BRD9: variants seen among roughly 807,000 people sequenced by gnomAD.
BRD9 encodes bromodomain containing 9.
A neutral mutation model predicts 68.7 loss-of-function variants in BRD9; 47 were observed. The ratio of observed to expected loss-of-function variants is 0.68; its 90% CI spans 0.54 to 0.87. BRD9 has a LOEUF of 0.87. Among genes scored for constraint, BRD9 ranks in the 40% least tolerant of loss-of-function variants. BRD9 has a pLI of 0.00. For synonymous variants in BRD9, 313 were observed against 293.9 expected (o/e 1.06, Z -0.67); for missense variants, 670 against 748.4 (o/e 0.90, Z 1.22).
chr5:869,327 C>T (rs1488972147), intron 14 of BRD9: 5 of 456,128 alleles, frequency 1.1e-5, no homozygotes, highest in African/African-American at 4.0e-5. Flanking sequence ...ACAAAGCAGA[C>T]TCCGTGGTAA....
At chr5:865,207 C>T (rs1166613918) in intron 15 of BRD9, among the ~76,000 whole-genome samples, 2 of 152,244 alleles carry the variant, frequency 1.3e-5, no homozygotes, top group African/African-American at 4.8e-5. Flanking sequence ...ACCCAGCGTG[C>T]GGCCAGGCCA....
In BRD9 at chr5:867,564, C is replaced by T. The variant is rs963987396; in HGVS notation, c.1526-1983G>A. ...CCACAAGGGCGGGGCTGCCCAAGGC[C>T]GTGGGAGCCCATCCCTTGCATCAGT... On this transcript the variant is annotated intron_variant, in intron 14 of 15. Transcript: ENST00000467963. Among the ~76,000 whole-genome samples the T allele has an allele frequency of 2.3e-4, 35 of 152,372 alleles. No individual in the cohort carries two copies. In the East Asian group the frequency reaches 4.4e-3, roughly 19 times the overall value.
chr5:870,408 C>T lies in BRD9; in HGVS notation c.1525+65G>A, dbSNP rs1749966762. ...TCAGGAAGGGAGAGGAGGTGGAGGC[C>T]GTGTGTTTTCTTCCTCTATCACACC... On this transcript the variant is annotated intron_variant, in intron 14 of 15. Transcript: ENST00000467963. 2.1e-5 allele frequency: 25 copies of T among 1,214,524 alleles called. No individual in the cohort carries two copies. In the South Asian group the frequency reaches 2.4e-4, roughly 12 times the overall value. 75.2% of individuals were successfully genotyped at this position (1,214,524 alleles called of 1,614,324 possible).
Position 889,475 on chromosome 5 carries a change from A to G in BRD9, c.461+112T>C, listed in dbSNP as rs2150651133. On this transcript the variant is annotated intron_variant, in intron 4 of 15. Coordinates refer to ENST00000467963, the MANE Select transcript of BRD9 (RefSeq NM_023924.5). Reference sequence around the variant, plus strand: ...GAAGTGGACTGGGAGTCACCAAGAGAAGGTGCAGGGTCTGTTTCACAGCTG... The same window carrying G: ...GAAGTGGACTGGGAGTCACCAAGAGGAGGTGCAGGGTCTGTTTCACAGCTG... The G allele has an allele frequency of 4.3e-6, 5 of 1,175,672 alleles. No homozygotes were observed. The South Asian group carries it at 7.4e-5, about 17-fold the overall frequency. 72.8% of individuals were successfully genotyped at this position (1,175,672 alleles called of 1,614,324 possible).
At position 892,646 on chromosome 5, in the gene BRD9, C is replaced by T; in HGVS notation, c.12G>A (p.Lys4=). The T allele has an allele frequency of 1.4e-6, 2 of 1,458,926 alleles. No individual in the cohort carries two copies. Among genetic ancestry groups the T allele is most frequent in the Non-Finnish European group, 9.1e-7 (1 of 1,104,244 alleles). The allele number at this position is 1,458,926 out of a possible 1,614,324, so 90.4% of individuals were successfully genotyped here. Reference sequence around the variant, plus strand: ...GCCACTCGGCCTTGTGCTTCTTGTGCTTCTTGCCCATGGCGGCGCCGGCGG... The same window carrying T: ...GCCACTCGGCCTTGTGCTTCTTGTGTTTCTTGCCCATGGCGGCGCCGGCGG... MGK[K]HKKHKAEWRS... is the part of the protein sequence containing the mutation. Residue 4 remains lysine, a synonymous_variant, in exon 1 of 16, where the codon AAG becomes AAA. Transcript: ENST00000467963.
At chr5:885,786 G>A (rs1037656376) in intron 7 of BRD9, among the ~76,000 whole-genome samples, 1 of 152,232 alleles carries the variant, frequency 6.6e-6, no homozygotes, top group Non-Finnish European at 1.5e-5. Flanking sequence ...CCCGCTGCAG[G>A]CTATGTTAAG....
intron 9 of BRD9, among the ~76,000 whole-genome samples, chr5:880,781 A>C (rs533134972): frequency 7.9e-5 from 12 of 152,336 alleles, no homozygotes; most frequent in Admixed American, 5.9e-4. Context: ...TCTTTGCTGA[A>C]GACTGAGCTC....
chr5:881,447 A>T, intron 8 of BRD9: 1 of 542,588 alleles, frequency 1.8e-6, no homozygotes, highest in Non-Finnish European at 3.3e-6. Flanking sequence ...CCCACGAGTA[A>T]ACATTTAAAA....
chr5:876,082 C>G lies in BRD9; in HGVS notation c.1383+19G>C, dbSNP rs372665353. 2 of 1,577,208 alleles carry G rather than the reference C, an allele frequency of 1.3e-6. No homozygotes were observed. Among genetic ancestry groups the G allele is most frequent in the Non-Finnish European group, 1.7e-6 (2 of 1,150,750 alleles). ...CCCAAGGGCACCTGCCCCCCAACCC[C>G]GGTGCGAGTGCAGCCCACCTGCTTC... On this transcript the variant is annotated intron_variant, in intron 12 of 15. Coordinates refer to ENST00000467963, the MANE Select transcript of BRD9 (RefSeq NM_023924.5).
intron 13 of BRD9, 36 bp from the exon 14 acceptor site, chr5:870,611 C>A: frequency 6.7e-7 from 1 of 1,487,304 alleles, no homozygotes; most frequent in Non-Finnish European, 9.3e-7. Flanking sequence ...GCAATTCAAA[C>A]ATCAAACGAA....
chr5:871,644 C>T (rs956278242), intron 12 of BRD9, 80 bp from the exon 13 acceptor site: 88 of 1,337,200 alleles, frequency 6.6e-5, no homozygotes, highest in Admixed American at 4.5e-4. Context: ...ATTACACACA[C>T]GTAAAAATGG....
At chr5:870,272 A>C (rs1178426052) in intron 14 of BRD9, 2 of 556,332 alleles carry the variant, frequency 3.6e-6, no homozygotes, top group African/African-American at 3.8e-5. Context: ...TCATTAGCTT[A>C]AAAAAGACAC....
intron 12 of BRD9, among the ~76,000 whole-genome samples, chr5:872,171 C>T (rs1233886522): frequency 1.3e-5 from 2 of 152,218 alleles, no homozygotes; most frequent in African/African-American, 4.8e-5. Context: ...TCCTGTGCTC[C>T]GGTGGAGCGA....
intron 7 of BRD9, among the ~76,000 whole-genome samples, chr5:885,116 G>A (rs1752351880): frequency 6.6e-6 from 1 of 152,220 alleles, no homozygotes; most frequent in African/African-American, 2.4e-5. Context: ...AGGCGGCAAA[G>A]GGCGGCCATG....
intron 14 of BRD9, chr5:865,836 A>C: frequency 4.7e-6 from 2 of 424,520 alleles, no homozygotes; most frequent in Non-Finnish European, 8.4e-6. Flanking sequence ...CTAGCACCGC[A>C]CAGACCACGT....
At chr5:882,912 A>G (rs1751995442) in intron 8 of BRD9, 1 of 264,630 alleles carries the variant, frequency 3.8e-6, no homozygotes, top group South Asian at 3.7e-5. Flanking sequence ...TAAGCCACGC[A>G]GACCACAGCA....
Position 876,321 on chromosome 5 carries a change from G to C in BRD9, c.1272-109C>G, listed in dbSNP as rs73733914. On this transcript the variant is annotated intron_variant, in intron 11 of 15. Transcript: ENST00000467963. ...GTGCCAGCGCAGCTCCTCGGTCCCC[G>C]TGACCCTCCCAGAGCGGGTATTTTG... 3,857 of 751,946 alleles carry C rather than the reference G, an allele frequency of 5.1e-3. 103 individuals carry two copies. In the African/African-American group the frequency reaches 0.059, roughly 11 times the overall value. 46.6% of individuals were successfully genotyped at this position (751,946 alleles called of 1,614,324 possible).
chr5:876,766 G>A (rs1178413890), intron 11 of BRD9, among the ~76,000 whole-genome samples: 3 of 152,166 alleles, frequency 2.0e-5, no homozygotes, highest in African/African-American at 7.2e-5. Context: ...GCCTCAGAAG[G>A]GCTCCCCAGA....
chr5:883,205 G>A (rs987339496), intron 8 of BRD9: 17 of 400,954 alleles, frequency 4.2e-5, no homozygotes, highest in Middle Eastern at 3.7e-4. Context: ...CCACTTCAGC[G>A]TTCTTTACAT....
Sources: allele counts gnomAD v4.1 joint callset (sites outside exome capture counted in the v4.1 genomes callset), GRCh38; gene constraint gnomAD v4.1.1; transcripts MANE v1.5; gene names NCBI Gene and HGNC (gene_info 2026-07-23, HGNC 2026-07-21).